The following UGT1A7 variants were observed in gnomAD, a reference collection of about 807,000 sequenced individuals.
UGT1A7 encodes the protein UDP glucuronosyltransferase family 1 member A7.
UGT1A7 carries 33 observed loss-of-function variants against 45.6 expected under a neutral mutation model. The ratio of observed to expected loss-of-function variants is 0.72; its 90% CI spans 0.55 to 0.97. UGT1A7 has a LOEUF of 0.97. Among genes scored for constraint, UGT1A7 ranks in the 50% least tolerant of loss-of-function variants. The pLI is 0.00. For synonymous variants in UGT1A7, 274 were observed against 250.6 expected (o/e 1.09, Z -0.88); for missense variants, 684 against 666.2 (o/e 1.03, Z -0.29).
chr2:233,737,815 G>A lies in UGT1A7; in HGVS notation c.856-29219G>A, dbSNP rs147002980. Among the ~76,000 whole-genome samples, 731 of 152,128 alleles carry A rather than the reference G, an allele frequency of 4.8e-3. 11 individuals carry two copies. The highest frequency in any genetic ancestry group is 0.017 in the African/African-American group (690 of 41,476). On this transcript the variant is annotated intron_variant, in intron 1 of 4. Coordinates refer to ENST00000373426, the MANE Select transcript of UGT1A7 (RefSeq NM_019077.3). ...AAATCTTCACTATCATCTCAGTGGA[G>A]CAGAACAAATTGGGAACTGTGGCAC...
At chr2:233,755,150 C>A (rs1325253274) in intron 1 of UGT1A7, 1 of 1,299,090 alleles carries the variant, frequency 7.7e-7, no homozygotes, top group Non-Finnish European at 1.0e-6. Flanking sequence ...TCACCGCTTC[C>A]TCCCTGTCCT....
At chr2:233,724,141 C>A in intron 1 of UGT1A7, among the ~76,000 whole-genome samples, 1 of 115,194 alleles carries the variant, frequency 8.7e-6, no homozygotes, top group African/African-American at 4.0e-5. Context: ...CCGGACGGGG[C>A]GGCTGGCCGG....
intron 1 of UGT1A7, among the ~76,000 whole-genome samples, chr2:233,688,900 G>C (rs970551522): frequency 4.6e-5 from 7 of 152,256 alleles, no homozygotes; most frequent in African/African-American, 1.2e-4. Context: ...GGAGAAGTTG[G>C]GGGGATGGTG....
chr2:233,757,188 C>CT (rs910058978), intron 1 of UGT1A7, among the ~76,000 whole-genome samples: 3 of 150,488 alleles, frequency 2.0e-5, no homozygotes, highest in African/African-American at 7.4e-5. Flanking sequence ...GCAGAGGACT[C>CT]TGAATTTTCT....
At chr2:233,712,976 G>C (rs750445799) in intron 1 of UGT1A7, 1 of 1,613,080 alleles carries the variant, frequency 6.2e-7, no homozygotes, top group Non-Finnish European at 8.5e-7. Context: ...GTCAGCTGTC[G>C]GTGGCTTCTG....
chr2:233,732,704 T>C (rs2078302376), intron 1 of UGT1A7, among the ~76,000 whole-genome samples: 1 of 152,126 alleles, frequency 6.6e-6, no homozygotes. Flanking sequence ...GTTTTGTTAC[T>C]GTAGCCTTGT....
At chr2:233,747,077 T>G (rs1575680795) in intron 1 of UGT1A7, 1 of 1,083,878 alleles carries the variant, frequency 9.2e-7, no homozygotes, top group East Asian at 2.9e-5. Flanking sequence ...AATAATTAAC[T>G]AGGAGGAGAG....
At chr2:233,724,599 T>C (rs1249789503) in intron 1 of UGT1A7, among the ~76,000 whole-genome samples, 2 of 100,788 alleles carry the variant, frequency 2.0e-5, no homozygotes, top group Non-Finnish European at 4.0e-5. Context: ...TCTCAGACGA[T>C]GGGCGGCCGG....
intron 1 of UGT1A7, among the ~76,000 whole-genome samples, chr2:233,756,791 A>C (rs1696326658): frequency 6.6e-6 from 1 of 152,088 alleles, no homozygotes; most frequent in Non-Finnish European, 1.5e-5. Context: ...ATTGTGGGGC[A>C]ATACACTAGT....
rs1413528689 is a variant in UGT1A7, at chr2:233,768,429, A to G, written c.1285A>G (p.Asn429Asp). Residue 429 changes from asparagine to aspartate, a missense_variant, in exon 4 of 5, where the codon AAT becomes GAT. By Grantham distance (23) the Asn-to-Asp change is conservative. Transcript: ENST00000373426. Reference protein sequence around the residue: ...DLENALKAVINDKSYKENIMR... With the variant: ...DLENALKAVIDDKSYKENIMR... ...AGAAAATGCTCTAAAAGCAGTCATC[A>G]ATGACAAAAGGTAAGAAAGAAGATA... is the stretch of plus-strand genomic sequence containing the variant. The G allele has an allele frequency of 6.8e-6, 11 of 1,614,042 alleles. No homozygotes were observed. The highest frequency in any genetic ancestry group is 9.3e-6 in the Non-Finnish European group (11 of 1,179,964).
At chr2:233,762,807 C>T (rs1458193268) in intron 1 of UGT1A7, among the ~76,000 whole-genome samples, 1 of 151,450 alleles carries the variant, frequency 6.6e-6, no homozygotes, top group Non-Finnish European at 1.5e-5. Context: ...GCTATCTCAT[C>T]AAAATATTGA....
At chr2:233,712,852 G>A (rs2076258090) in intron 1 of UGT1A7, 16 of 1,544,082 alleles carry the variant, frequency 1.0e-5, no homozygotes, top group Non-Finnish European at 1.4e-5. Context: ...CGGGTAATAA[G>A]TAACTGGAGG....
At chr2:233,694,502 C>T (rs28898577) in intron 1 of UGT1A7, among the ~76,000 whole-genome samples, 1,914 of 152,186 alleles carry the variant, frequency 0.013, 39 homozygotes, top group African/African-American at 0.043. Context: ...TTTACAGATG[C>T]CCTCCTGACA....
chr2:233,738,082 A>G (rs1218405907), intron 1 of UGT1A7, among the ~76,000 whole-genome samples: 11 of 152,110 alleles, frequency 7.2e-5, no homozygotes, highest in African/African-American at 2.4e-4. Flanking sequence ...TCCTAATCTC[A>G]TCATAGTGAG....
intron 1 of UGT1A7, chr2:233,748,125 T>C: frequency 6.2e-7 from 1 of 1,610,546 alleles, no homozygotes; most frequent in South Asian, 1.1e-5. Context: ...GGCAAAACAG[T>C]TTTTAAAAAT....
At chr2:233,733,440 C>T (rs1200700751) in intron 1 of UGT1A7, among the ~76,000 whole-genome samples, 12 of 152,030 alleles carry the variant, frequency 7.9e-5, no homozygotes, top group African/African-American at 1.5e-4. Context: ...ATATTGGCTG[C>T]GGGTTTGTCA....
chr2:233,760,308 C>G (rs780253764), intron 1 of UGT1A7: 1 of 1,613,678 alleles, frequency 6.2e-7, no homozygotes. Flanking sequence ...AGTCCCAGGG[C>G]GGACGCCCAC....
At chr2:233,702,266 A>G (rs17862866) in intron 1 of UGT1A7, among the ~76,000 whole-genome samples, 87,251 of 152,024 alleles carry the variant, frequency 0.57, 27,041 homozygotes, top group African/African-American at 0.82. Flanking sequence ...AAATACATGA[A>G]TAGCTTTTTC....
chr2:233,760,973 C>A lies in UGT1A7; in HGVS notation c.856-6061C>A, dbSNP rs35350960. 4.8e-4 allele frequency: 769 copies of A among 1,614,172 alleles called. 15 individuals carry two copies. The East Asian group carries it at 0.013, about 27-fold the overall frequency. The stretch of plus-strand genomic sequence containing the variant: ...TTTCTGTGCGACGTGGTTTATTCCC[C>A]GTATGCAACCCTTGCCTCAGAATTC... On this transcript the variant is annotated intron_variant, in intron 1 of 4. Coordinates refer to ENST00000373426, the MANE Select transcript of UGT1A7 (RefSeq NM_019077.3).
Sources: allele counts gnomAD v4.1 joint callset (sites outside exome capture counted in the v4.1 genomes callset), GRCh38; gene constraint gnomAD v4.1.1; transcripts MANE v1.5; gene names NCBI Gene and HGNC (gene_info 2026-07-23, HGNC 2026-07-21).